Variants in CNOT1 observed in about 807,000 individuals in gnomAD.
CNOT1 encodes CCR4-associated factor 1.
In CNOT1, 15 loss-of-function variants were observed where a neutral mutation model predicts 273.8. That is an observed-to-expected ratio of 0.05 (90% CI 0.04 to 0.08). The LOEUF (loss-of-function observed/expected upper bound fraction) is 0.08. CNOT1 is among the 10% of genes least tolerant of loss of function. The pLI is 1.00. For missense variants in CNOT1, 1,644 were observed against 2,912.2 expected (o/e 0.56, Z 10.02); for synonymous variants, 1,022 against 1,005.5 (o/e 1.02, Z -0.31).
At position 58,536,932 on chromosome 16, in the gene CNOT1, A is replaced by G. The variant is rs192380226; in HGVS notation, c.5646+57T>C. ...ACGCAATACTGAGCTTTAATATTGG[A>G]GGCATCACACCCTACTTATGTTGAA... On this transcript the variant is annotated intron_variant, in intron 39 of 48. Coordinates refer to ENST00000317147, the MANE Select transcript of CNOT1 (RefSeq NM_016284.5). 44 of 1,587,972 alleles carry G rather than the reference A, an allele frequency of 2.8e-5. No homozygotes were observed. In the Admixed American group the frequency reaches 6.5e-4, roughly 23 times the overall value.
At chr16:58,604,116 A>C (rs1159257464) in intron 1 of CNOT1, among the ~76,000 whole-genome samples, 1 of 152,232 alleles carries the variant, frequency 6.6e-6, no homozygotes, top group Non-Finnish European at 1.5e-5. Flanking sequence ...TTACATGAGA[A>C]TAGACAATAA....
intron 24 of CNOT1, 137 bp from the exon 25 acceptor site, chr16:58,550,035 C>A: frequency 7.6e-7 from 1 of 1,318,502 alleles, no homozygotes; most frequent in East Asian, 2.5e-5. Flanking sequence ...TCCTTCACAC[C>A]AGATAGATGC....
Position 58,560,275 on chromosome 16 carries a change from A to C in CNOT1, c.2067T>G (p.Pro689=). The change falls in exon 17 of 49, where the codon CCT becomes CCG. Residue 689 remains proline (P), a synonymous_variant. Transcript: ENST00000317147. ...NVMNKARQPP[P]GVMPKGRPPS... ...GAGGACGTCCTTTTGGCATAACTCC[A>C]GGTGGTGGTTGTCTGGCCTTATTCA... 1 of 1,614,194 alleles carries C rather than the reference A, an allele frequency of 6.2e-7. No individual in the cohort carries two copies. Among genetic ancestry groups the C allele is most frequent in the Non-Finnish European group, 8.5e-7 (1 of 1,180,024 alleles).
rs2040451096 is a variant in CNOT1 at position 58,551,572 on chromosome 16, AAGAT to A, written c.3201+13_3201+16del. The A allele has an allele frequency of 1.2e-6, 2 of 1,605,838 alleles. No individual in the cohort carries two copies. The highest frequency in any genetic ancestry group is 1.7e-6 in the Non-Finnish European group (2 of 1,172,646). The stretch of plus-strand genomic sequence containing the variant: ...TAATCATAAATCCTGGAAGAGAAAA[AAGAT>A]AGATCTACTTACTGGCACATCTTTC... On this transcript the variant is annotated intron_variant, in intron 23 of 48. Coordinates refer to ENST00000317147, the MANE Select transcript of CNOT1 (RefSeq NM_016284.5).
intron 1 of CNOT1, among the ~76,000 whole-genome samples, chr16:58,624,389 AG>A (rs745966862): frequency 9.8e-5 from 15 of 152,374 alleles, no homozygotes; most frequent in Admixed American, 2.0e-4. Flanking sequence ...TCAACATTTC[AG>A]GAATTTCCCT....
chr16:58,608,497 C>T (rs1003514300), intron 1 of CNOT1, among the ~76,000 whole-genome samples: 2 of 147,040 alleles, frequency 1.4e-5, no homozygotes, highest in East Asian at 2.0e-4. Flanking sequence ...GAGGCTGCAG[C>T]GAGCTGAGAT....
intron 1 of CNOT1, among the ~76,000 whole-genome samples, chr16:58,625,282 G>A (rs1340621685): frequency 1.3e-5 from 2 of 152,110 alleles, no homozygotes; most frequent in Non-Finnish European, 2.9e-5. Context: ...GGAGGCCGAG[G>A]CAGGTGGATC....
At chr16:58,580,485 C>A (rs1359749487) in intron 12 of CNOT1, 148 bp downstream of exon 12, 10 of 1,263,026 alleles carry the variant, frequency 7.9e-6, no homozygotes, top group African/African-American at 7.7e-5. Flanking sequence ...TATCTACCAA[C>A]CCCCTCTATA....
intron 43 of CNOT1, 116 bp from the exon 44 acceptor site, chr16:58,528,764 T>A (rs990612891): frequency 1.6e-6 from 1 of 627,732 alleles, no homozygotes; most frequent in Non-Finnish European, 2.7e-6. Flanking sequence ...TTTAGTAACA[T>A]TTCTTAAAAA....
In CNOT1 at chr16:58,558,648, A is replaced by G. The variant is rs1409547259; in HGVS notation, c.2157T>C (p.Ser719=). 6.2e-7 allele frequency: 1 copy of G among 1,613,866 alleles called. No individual in the cohort carries two copies. Residue 719 remains serine (S), a synonymous_variant, in exon 18 of 49, where the codon TCT becomes TCC. Coordinates refer to ENST00000317147, the MANE Select transcript of CNOT1 (RefSeq NM_016284.5). ...GGGCAGCTGAACCACCTATACTAAG[A>G]GATGTCATTCCAGCAAGAGGGTCAA... The part of the protein sequence containing the change: ...VQIDPLAGMT[S]LSIGGSAAPH...
chr16:58,548,436 G>A, intron 25 of CNOT1: 1 of 478,410 alleles, frequency 2.1e-6, no homozygotes, highest in Non-Finnish European at 4.1e-6. Context: ...TTGCTACAGA[G>A]TATGTGGAAA....
chr16:58,610,947 G>C (rs1333854156), intron 1 of CNOT1, among the ~76,000 whole-genome samples: 1 of 152,090 alleles, frequency 6.6e-6, no homozygotes, highest in Non-Finnish European at 1.5e-5. Context: ...TGAGGCAGGA[G>C]AATCGCTTAA....
chr16:58,537,292 T>C, intron 38 of CNOT1, 72 bp from the exon 39 acceptor site: 4 of 1,508,456 alleles, frequency 2.7e-6, no homozygotes, highest in Non-Finnish European at 3.5e-6. Flanking sequence ...GCATGTATAG[T>C]TTGCTTATTT....
At chr16:58,528,380 T>C in intron 44 of CNOT1, 95 bp downstream of exon 44, 1 of 842,338 alleles carries the variant, frequency 1.2e-6, no homozygotes, top group Non-Finnish European at 2.0e-6. Context: ...AGTGTGCGTG[T>C]TATGTTGGGT....
chr16:58,549,997 A>C (rs1343695263), intron 24 of CNOT1, 99 bp from the exon 25 acceptor site: 43 of 1,524,198 alleles, frequency 2.8e-5, no homozygotes, highest in Non-Finnish European at 3.6e-5. Context: ...GCTCCTTGCA[A>C]AACTAACTAG....
intron 12 of CNOT1, 44 bp downstream of exon 12, chr16:58,580,589 A>G (rs1213590044): frequency 7.6e-6 from 12 of 1,584,876 alleles, no homozygotes; most frequent in Non-Finnish European, 1.0e-5. Flanking sequence ...ATTTCACAAA[A>G]TAAGAAGTAA....
chr16:58,570,196 A>T (rs1335198059), intron 16 of CNOT1, among the ~76,000 whole-genome samples: 1 of 152,228 alleles, frequency 6.6e-6, no homozygotes, highest in Non-Finnish European at 1.5e-5. Context: ...AAAAGAGGTA[A>T]TTCATTGCTA....
In CNOT1 at chr16:58,560,373, G is replaced by T; in HGVS notation, c.1980-11C>A. 1 of 1,612,172 alleles carries T rather than the reference G, an allele frequency of 6.2e-7. No individual in the cohort carries two copies. Among genetic ancestry groups the T allele is most frequent in the Non-Finnish European group, 8.5e-7 (1 of 1,179,416 alleles). On this transcript the variant is annotated splice_polypyrimidine_tract_variant and intron_variant, in intron 16 of 48. Transcript: ENST00000317147. ...TCCTGAGAAACACTCCTAAAATAGA[G>T]GGGAAAAGGTAAAAAATATCAGTTC...
chr16:58,578,850 T>C lies in CNOT1; in HGVS notation c.1433A>G (p.Lys478Arg). The change falls in exon 13 of 49, where the codon AAA (lysine) becomes AGA (arginine). Residue 478 changes from lysine to arginine, a missense_variant. Lys to Arg is a conservative substitution (Grantham distance 26). Around this residue, in one of 13 missense-constraint regions of CNOT1, gnomAD observed 706 missense variants for 1,021.2 expected, o/e 0.69. Transcript: ENST00000317147. ...QVKQLFSFPI[K>R]HCPDMLVLAL... is the part of the protein sequence containing the mutation. ...CAATACCAGCATGTCTGGACAGTGT[T>C]TGATAGGGAAGCTGAAGAGCTGTTT... The C allele has an allele frequency of 1.2e-6, 2 of 1,614,192 alleles. No homozygotes were observed. The highest frequency in any genetic ancestry group is 1.7e-6 in the Non-Finnish European group (2 of 1,180,032).
Sources: gnomAD v4.1 joint callset for allele counts (sites outside exome capture counted in the v4.1 genomes callset) on GRCh38, gnomAD v4.1.1 for gene constraint, gnomAD v4.1.1 regional missense constraint, MANE v1.5 for transcripts, NCBI Gene and HGNC (gene_info 2026-07-23, HGNC 2026-07-21) for gene names.